The following USH2A variants were observed in gnomAD, a reference collection of about 807,000 sequenced individuals.
USH2A encodes the protein Usher syndrome 2A (autosomal recessive, mild).
USH2A carries 443 observed loss-of-function variants against 538.9 expected under a neutral mutation model. The ratio of observed to expected loss-of-function variants is 0.82; its 90% CI spans 0.76 to 0.89. USH2A has a LOEUF of 0.89. Ranked by LOEUF, USH2A falls within the 40% of genes least tolerant of loss-of-function variation. The pLI is 0.00. For synonymous variants in USH2A, 2,413 were observed against 2,273.5 expected, an observed-to-expected ratio of 1.06 and a Z score of -1.75; for missense variants, 6,633 against 6,324.8, an observed-to-expected ratio of 1.05 and a Z score of -1.65.
intron 13 of USH2A, among the ~76,000 whole-genome samples, chr1:216,236,744 G>A (rs1046738962): frequency 5.9e-5 from 9 of 152,046 alleles, no homozygotes; most frequent in South Asian, 2.1e-4. Context: ...TATAGTGCTC[G>A]TCACAGCAAC....
chr1:216,081,326 G>A (rs570943239), intron 26 of USH2A, among the ~76,000 whole-genome samples: 149 of 152,290 alleles, frequency 9.8e-4, no homozygotes, highest in African/African-American at 3.4e-3. Flanking sequence ...AGAGGGATAT[G>A]AGGTTATATT....
chr1:215,749,213 T>A (rs536633985), intron 58 of USH2A, among the ~76,000 whole-genome samples: 1 of 152,164 alleles, frequency 6.6e-6, no homozygotes, highest in Non-Finnish European at 1.5e-5. Flanking sequence ...CTGTTCTGCT[T>A]CCAGGCCTTG....
At chr1:216,415,548 C>T (rs542081816) in intron 3 of USH2A, among the ~76,000 whole-genome samples, 8 of 114,958 alleles carry the variant, frequency 7.0e-5, no homozygotes, top group African/African-American at 2.7e-4. Context: ...CAGGATCTTG[C>T]TCTTTCGCCC....
chr1:216,095,788 C>T (rs2102571536), intron 22 of USH2A, among the ~76,000 whole-genome samples: 1 of 152,200 alleles, frequency 6.6e-6, no homozygotes, highest in South Asian at 2.1e-4. Flanking sequence ...TACAATAGGC[C>T]CTGCCTTTTC....
intron 61 of USH2A, among the ~76,000 whole-genome samples, chr1:215,708,741 G>A (rs533903228): frequency 1.3e-5 from 2 of 152,218 alleles, no homozygotes; most frequent in Admixed American, 1.3e-4. Flanking sequence ...AGCAAGAGGT[G>A]GAGCTCAGGT....
At chr1:216,161,942 C>G (rs1459149340) in intron 21 of USH2A, among the ~76,000 whole-genome samples, 1 of 151,950 alleles carries the variant, frequency 6.6e-6, no homozygotes, top group Non-Finnish European at 1.5e-5. Flanking sequence ...TAATAAGTCT[C>G]CCCACCCTCC....
chr1:215,649,263 G>C (rs776261935), intron 65 of USH2A, among the ~76,000 whole-genome samples: 2 of 152,162 alleles, frequency 1.3e-5, no homozygotes, highest in Non-Finnish European at 2.9e-5. Flanking sequence ...GTATTGGAGG[G>C]CTTGAAAGTC....
intron 38 of USH2A, among the ~76,000 whole-genome samples, chr1:215,907,770 G>T (rs533132506): frequency 6.6e-6 from 1 of 152,118 alleles, no homozygotes; most frequent in South Asian, 2.1e-4. Context: ...TAATTAAAGA[G>T]ATACCATGGT....
chr1:215,889,721 T>G (rs772787749), intron 40 of USH2A, among the ~76,000 whole-genome samples: 1 of 152,150 alleles, frequency 6.6e-6, no homozygotes, highest in Non-Finnish European at 1.5e-5. Context: ...GCACTCTAAC[T>G]GATTCAATTA....
chr1:216,259,911 G>A (rs773665454), intron 11 of USH2A, among the ~76,000 whole-genome samples: 6 of 151,612 alleles, frequency 4.0e-5, no homozygotes, highest in African/African-American at 9.7e-5. Context: ...TTTCAAAGAC[G>A]AAAAATGAAA....
chr1:216,060,134 GACC>G (rs1480648663), intron 30 of USH2A, among the ~76,000 whole-genome samples: 10 of 152,116 alleles, frequency 6.6e-5, no homozygotes, highest in Middle Eastern at 3.4e-3. Context: ...AGTCTAAGCT[GACC>G]ACTCCTCTAC....
At position 216,386,715 on chromosome 1, in the gene USH2A, C is replaced by T. The variant is rs190209563; in HGVS notation, c.652-21630G>A. 3.3e-5 allele frequency among the ~76,000 whole-genome samples: 5 copies of T among 150,888 alleles called. No homozygotes were observed. In the East Asian group the frequency reaches 6.0e-4, roughly 18 times the overall value. ...CTAAAAATACAAAAAATTAGCCTGG[C>T]GTGGTGACGGGCACCTGTAGTCCCA... On this transcript the variant is annotated intron_variant, in intron 3 of 71. Coordinates refer to ENST00000307340, the MANE Select transcript of USH2A (RefSeq NM_206933.4).
chr1:216,203,879 A>C (rs1368410264), intron 16 of USH2A, among the ~76,000 whole-genome samples: 2 of 152,080 alleles, frequency 1.3e-5, no homozygotes, highest in Admixed American at 6.5e-5. Flanking sequence ...GATTTCTCTA[A>C]AGTGACATTT....
At chr1:215,740,286 T>C (rs2102724485) in intron 60 of USH2A, among the ~76,000 whole-genome samples, 1 of 152,334 alleles carries the variant, frequency 6.6e-6, no homozygotes, top group African/African-American at 2.4e-5. Flanking sequence ...CATGTTGATC[T>C]GGTGAAGACT....
intron 9 of USH2A, among the ~76,000 whole-genome samples, chr1:216,300,395 C>A (rs1290932068): frequency 1.3e-5 from 2 of 152,156 alleles, no homozygotes; most frequent in Non-Finnish European, 2.9e-5. Context: ...TGAGATTAGA[C>A]AATGGCTATA....
chr1:215,902,747 C>T (rs1198435739), intron 38 of USH2A, among the ~76,000 whole-genome samples: 4 of 151,970 alleles, frequency 2.6e-5, no homozygotes, highest in Admixed American at 6.6e-5. Flanking sequence ...GGTAGCCATC[C>T]GAATGTCTGG....
chr1:216,359,419 A>G (rs935449626), intron 4 of USH2A, among the ~76,000 whole-genome samples: 3 of 152,038 alleles, frequency 2.0e-5, no homozygotes, highest in African/African-American at 7.2e-5. Context: ...ATATTAAACC[A>G]CCATTTAATA....
intron 44 of USH2A, 142 bp downstream of exon 44, chr1:215,866,865 C>T (rs1019812958): frequency 1.7e-6 from 2 of 1,153,256 alleles, no homozygotes; most frequent in Admixed American, 2.1e-5. Flanking sequence ...AATGACAGCC[C>T]TGTCAATCTG....
In USH2A at chr1:216,401,715, A is replaced by G. The variant is rs554524817; in HGVS notation, c.651+16799T>C. Reference sequence around the variant, plus strand: ...ATCTAGAGGTTAAGAGGGACATTACATAATGATAAAATGATATCTCCACTA... The same window carrying G: ...ATCTAGAGGTTAAGAGGGACATTACGTAATGATAAAATGATATCTCCACTA... On this transcript the variant is annotated intron_variant, in intron 3 of 71. Transcript: ENST00000307340. 2.6e-5 allele frequency among the ~76,000 whole-genome samples: 4 copies of G among 152,226 alleles called. No individual in the cohort carries two copies. The South Asian group carries it at 8.3e-4, about 32-fold the overall frequency.
Sources: gnomAD v4.1 joint callset for allele counts (sites outside exome capture counted in the v4.1 genomes callset) on GRCh38, gnomAD v4.1.1 for gene constraint, MANE v1.5 for transcripts, NCBI Gene and HGNC (gene_info 2026-07-23, HGNC 2026-07-21) for gene names.